CDH19: variants seen among roughly 807,000 people sequenced by gnomAD.
The protein encoded by CDH19 is cadherin 19.
CDH19 carries 67 observed loss-of-function variants against 64.2 expected under a neutral mutation model. The observed-to-expected ratio is 1.04, with a 90% CI of 0.86 to 1.28. The LOEUF (loss-of-function observed/expected upper bound fraction) is 1.28, where lower values mean the gene tolerates loss of function less well. CDH19 is among the 50% of genes most tolerant of loss of function. The probability of loss-of-function intolerance (pLI) is 0.00; values close to 1 mark genes in which losing one functional copy is unlikely to be tolerated. For synonymous variants in CDH19, 346 were observed against 319.3 expected (o/e 1.08, Z -0.89); for missense variants, 1,030 against 929.0 (o/e 1.11, Z -1.41).
Position 66,505,152 on chromosome 18 carries a change from C to T in CDH19, c.1979G>A (p.Arg660Lys). 7 of 1,613,560 alleles carry T rather than the reference C, an allele frequency of 4.3e-6. No homozygotes were observed. The highest frequency in any genetic ancestry group is 5.9e-6 in the Non-Finnish European group (7 of 1,179,680). The change falls in exon 12 of 12, where the codon AGG (arginine) becomes AAG (lysine). Residue 660 changes from arginine (R) to lysine (K), a missense_variant. Arg to Lys is a conservative substitution (Grantham distance 26). Transcript: ENST00000262150. ...GCGTTCCCGCATTATGGTACTACTC[C>T]TCAGCTCTGCTATATCAAAGGCCTC... ...DTEAFDIAEL[R>K]SSTIMRERKT... is the part of the protein sequence containing the mutation.
rs963641023 is a variant in CDH19, at chr18:66,538,557, G to A, written c.1215-3450C>T. Among the ~76,000 whole-genome samples, 5 of 151,984 alleles carry A rather than the reference G, an allele frequency of 3.3e-5. No individual in the cohort carries two copies. The East Asian group carries it at 9.7e-4, about 29-fold the overall frequency. On this transcript the variant is annotated intron_variant, in intron 7 of 11. Coordinates refer to ENST00000262150, the MANE Select transcript of CDH19 (RefSeq NM_021153.4). ...TTGAAGGATATTTGAGTCAATTCCAGTTATTGGAGATCATGTATAAAGCTG... is the reference window on the plus strand; with the variant it reads ...TTGAAGGATATTTGAGTCAATTCCAATTATTGGAGATCATGTATAAAGCTG...
chr18:66,589,629 TAGTA>T (rs1484559627), intron 1 of CDH19, among the ~76,000 whole-genome samples: 1 of 151,330 alleles, frequency 6.6e-6, no homozygotes, highest in East Asian at 1.9e-4. Flanking sequence ...AAATAATACT[TAGTA>T]AGCACCACTG....
Position 66,505,566 on chromosome 18 carries a change from TATATA to T in CDH19, c.1829-269_1829-265del, listed in dbSNP as rs965602443. Among the ~76,000 whole-genome samples, 6 of 145,884 alleles carry T rather than the reference TATATA, an allele frequency of 4.1e-5. No individual in the cohort carries two copies. In the South Asian group the frequency reaches 6.3e-4, roughly 15 times the overall value. ...ATTTATTAATATATATATTAATATA[TATATA>T]ATATAATATATATAGTGAACTATAT... On this transcript the variant is annotated intron_variant, in intron 11 of 11. Coordinates refer to ENST00000262150, the MANE Select transcript of CDH19 (RefSeq NM_021153.4).
intron 1 of CDH19, among the ~76,000 whole-genome samples, chr18:66,575,992 A>T (rs1988255596): frequency 2.6e-5 from 4 of 151,816 alleles, no homozygotes. Flanking sequence ...AACTTAAAAT[A>T]GATTATAATA....
At chr18:66,545,998 A>G (rs1987103410) in intron 5 of CDH19, among the ~76,000 whole-genome samples, 1 of 151,830 alleles carries the variant, frequency 6.6e-6, no homozygotes, top group African/African-American at 2.4e-5. Context: ...ATATAGAACT[A>G]TACTATTTTT....
chr18:66,576,648 C>A (rs974106508), intron 1 of CDH19, among the ~76,000 whole-genome samples: 1 of 151,186 alleles, frequency 6.6e-6, no homozygotes, highest in African/African-American at 2.4e-5. Flanking sequence ...GAAATAAAAC[C>A]TTATTGTATT....
rs1985003841 is a variant in CDH19 at position 66,502,834 on chromosome 18, C to T, written c.*1978G>A. ...TCCTCTCATCCACTTTTAATATCTT[C>T]CTAAATTATTTCACTTCAAATCTGG... is the stretch of plus-strand genomic sequence containing the variant. On this transcript the variant is annotated 3_prime_UTR_variant, in exon 12 of 12. Coordinates refer to ENST00000262150, the MANE Select transcript of CDH19 (RefSeq NM_021153.4). The T allele has an allele frequency of 1.3e-5, 2 of 151,836 alleles. No individual in the cohort carries two copies. The highest frequency in any genetic ancestry group is 4.1e-4 in the South Asian group (2 of 4,832). The allele number at this position is 151,836 out of a possible 1,614,324, so 9.4% of individuals were successfully genotyped here.
rs1181408213 is a variant in CDH19 at position 66,502,373 on chromosome 18, A to C, written c.*2439T>G. The stretch of plus-strand genomic sequence containing the variant: ...TATCTCTTTAGTGCCACTGGACACA[A>C]GTATTAAAACTATTTGTACAGGTAT... On this transcript the variant is annotated 3_prime_UTR_variant, in exon 12 of 12. Coordinates refer to ENST00000262150, the MANE Select transcript of CDH19 (RefSeq NM_021153.4). 1 of 152,048 alleles carries C rather than the reference A, an allele frequency of 6.6e-6. No homozygotes were observed. Among genetic ancestry groups the C allele is most frequent in the African/African-American group, 2.4e-5 (1 of 41,442 alleles). The allele number at this position is 152,048 out of a possible 1,614,324, so 9.4% of individuals were successfully genotyped here.
chr18:66,519,341 T>A (rs1183317305), intron 9 of CDH19, among the ~76,000 whole-genome samples: 7 of 152,218 alleles, frequency 4.6e-5, no homozygotes, highest in Non-Finnish European at 1.0e-4. Flanking sequence ...CTTTCTTATT[T>A]GTTTTTTATC....
chr18:66,572,137 G>A lies in CDH19; in HGVS notation c.68C>T (p.Thr23Ile). The A allele has an allele frequency of 6.2e-7, 1 of 1,611,530 alleles. No homozygotes were observed. The highest frequency in any genetic ancestry group is 8.5e-7 in the Non-Finnish European group (1 of 1,178,426). Residue 23 changes from threonine to isoleucine, a missense_variant, in exon 2 of 12, where the codon ACA becomes ATA. By Grantham distance (89) the Thr-to-Ile change is moderately conservative. Coordinates refer to ENST00000262150, the MANE Select transcript of CDH19 (RefSeq NM_021153.4). ...GACTTTCTTTGTTTGAGAGTTTTCTGTTGCTCCAAGACAAGGCCATAGGAG... is the reference window on the plus strand; with the variant it reads ...GACTTTCTTTGTTTGAGAGTTTTCTATTGCTCCAAGACAAGGCCATAGGAG... ...IPLLWPCLGA[T>I]ENSQTKKVKQ... is the part of the protein sequence containing the mutation.
chr18:66,602,803 T>C (rs1989070009), intron 1 of CDH19, among the ~76,000 whole-genome samples: 1 of 151,850 alleles, frequency 6.6e-6, no homozygotes, highest in African/African-American at 2.4e-5. Flanking sequence ...ATGAAATGCT[T>C]ATTCCTTTTA....
chr18:66,565,819 G>A (rs969148938), intron 3 of CDH19, among the ~76,000 whole-genome samples: 1 of 151,770 alleles, frequency 6.6e-6, no homozygotes, highest in African/African-American at 2.4e-5. Context: ...CACTCAGCTG[G>A]CCTCTCCCTC....
intron 1 of CDH19, among the ~76,000 whole-genome samples, chr18:66,583,574 T>C (rs924342747): frequency 2.0e-5 from 3 of 152,082 alleles, no homozygotes; most frequent in Non-Finnish European, 2.9e-5. Context: ...CTCCCACTTA[T>C]AAGTGAAGAC....
intron 3 of CDH19, among the ~76,000 whole-genome samples, chr18:66,568,063 A>C (rs1384766871): frequency 1.3e-5 from 2 of 151,894 alleles, no homozygotes; most frequent in East Asian, 3.9e-4. Context: ...TTGCAGGATT[A>C]TCTTATTTGC....
chr18:66,588,616 A>ATATATATATATATATG (rs1568211846), intron 1 of CDH19, among the ~76,000 whole-genome samples: 2 of 133,422 alleles, frequency 1.5e-5, no homozygotes, highest in African/African-American at 2.6e-5. Flanking sequence ...ATATATATCT[A>ATATATATATATATATG]TATCTATATC....
chr18:66,533,939 A>C (rs527880784), intron 8 of CDH19, among the ~76,000 whole-genome samples: 1 of 152,156 alleles, frequency 6.6e-6, no homozygotes, highest in East Asian at 1.9e-4. Context: ...TATTGATTTC[A>C]CAGTAGTAAA....
rs757517249 is a variant in CDH19 at position 66,551,110 on chromosome 18, C to T, written c.759G>A (p.Lys253=). The change falls in exon 5 of 12, where the codon AAG becomes AAA. Residue 253 remains lysine, a synonymous_variant. Coordinates refer to ENST00000262150, the MANE Select transcript of CDH19 (RefSeq NM_021153.4). ...TTTACTTACTTTCTTTAAATATAGGCTTATTGTCATTAACATCTGAAAGTT... is the reference window on the plus strand; with the variant it reads ...TTTACTTACTTTCTTTAAATATAGGTTTATTGTCATTAACATCTGAAAGTT... ...LIKLSDVNDN[K]PIFKESLYRL... is the part of the protein sequence containing the mutation. 45 of 1,592,230 alleles carry T rather than the reference C, an allele frequency of 2.8e-5. No homozygotes were observed. Among genetic ancestry groups the T allele is most frequent in the Non-Finnish European group, 3.6e-5 (42 of 1,161,824 alleles).
At chr18:66,519,959 G>A (rs560481908) in intron 9 of CDH19, among the ~76,000 whole-genome samples, 17 of 152,192 alleles carry the variant, frequency 1.1e-4, no homozygotes, top group African/African-American at 4.1e-4. Context: ...GCCGAGGCAG[G>A]CGGATCACGA....
chr18:66,526,325 C>T (rs1986219420), intron 9 of CDH19, among the ~76,000 whole-genome samples: 1 of 152,066 alleles, frequency 6.6e-6, no homozygotes, highest in Non-Finnish European at 1.5e-5. Context: ...TACATTTATA[C>T]TTTAAGCAGG....
Sources: gnomAD v4.1 joint callset for allele counts (sites outside exome capture counted in the v4.1 genomes callset) on GRCh38, gnomAD v4.1.1 for gene constraint, MANE v1.5 for transcripts, NCBI Gene and HGNC (gene_info 2026-07-23, HGNC 2026-07-21) for gene names.